Variants in ZFHX3 observed in about 807,000 individuals in gnomAD.
The protein encoded by ZFHX3 is zinc finger homeobox protein 3.
Under a neutral mutation model 279.1 loss-of-function variants are expected in ZFHX3, and 42 were observed. The ratio of observed to expected loss-of-function variants is 0.15; its 90% CI spans 0.12 to 0.19. ZFHX3 has a LOEUF of 0.19. Among genes scored for constraint, ZFHX3 ranks in the 10% least tolerant of loss-of-function variants. The pLI, the probability that ZFHX3 is intolerant of heterozygous loss-of-function variation, is 1.00. For synonymous variants in ZFHX3, 2,293 were observed against 1,957.8 expected, an observed-to-expected ratio of 1.17 and a Z score of -4.52; for missense variants, 4,981 against 4,754.0, an observed-to-expected ratio of 1.05 and a Z score of -1.40.
chr16:73,730,463 A>G (rs2142248555), intron 1 of ZFHX3, among the ~76,000 whole-genome samples: 1 of 152,074 alleles, frequency 6.6e-6, no homozygotes. Flanking sequence ...TGTGTCATAT[A>G]CAAATCCAGT....
At chr16:73,236,787 A>G (rs937903929) in intron 5 of ZFHX3, among the ~76,000 whole-genome samples, 2 of 152,166 alleles carry the variant, frequency 1.3e-5, no homozygotes, top group Non-Finnish European at 2.9e-5. Context: ...TGTTCTTCTT[A>G]CCCATCCACA....
At chr16:73,772,777 T>G (rs1170120307) in intron 1 of ZFHX3, among the ~76,000 whole-genome samples, 3 of 152,200 alleles carry the variant, frequency 2.0e-5, no homozygotes, top group African/African-American at 7.2e-5. Context: ...GGTGTGTGTT[T>G]CTGAGCTATC....
At chr16:73,865,279 A>T (rs1309064899) in intron 1 of ZFHX3, among the ~76,000 whole-genome samples, 1 of 152,186 alleles carries the variant, frequency 6.6e-6, no homozygotes, top group Non-Finnish European at 1.5e-5. Context: ...TTGGGATCTG[A>T]AAATAAGTTA....
rs113263930 is a variant in ZFHX3, at chr16:73,746,603, C to T, written c.-1607-66363G>A. ...GACGAGTGGGAGTTCAGAGATGAGACGATTTCCTGTATGGAGGACCAATTT... is the reference window on the plus strand; with the variant it reads ...GACGAGTGGGAGTTCAGAGATGAGATGATTTCCTGTATGGAGGACCAATTT... On this transcript the variant is annotated intron_variant, in intron 1 of 17. Coordinates refer to the ZFHX3 transcript ENST00000641206. Among the ~76,000 whole-genome samples, 5 of 152,240 alleles carry T rather than the reference C, an allele frequency of 3.3e-5. No individual in the cohort carries two copies. In the East Asian group the frequency reaches 5.8e-4, roughly 18 times the overall value.
intron 2 of ZFHX3, chr16:73,679,356 T>C (rs963988914): frequency 6.6e-6 from 1 of 152,188 alleles, no homozygotes; most frequent in Non-Finnish European, 1.5e-5. Flanking sequence ...TTCAGGCCAG[T>C]GAGAAAGATG....
intron 3 of ZFHX3, among the ~76,000 whole-genome samples, chr16:73,437,502 T>G (rs986289215): frequency 6.6e-6 from 1 of 152,070 alleles, no homozygotes; most frequent in Non-Finnish European, 1.5e-5. Flanking sequence ...TTTTAAATAT[T>G]TTCAATGAAA....
chr16:73,058,275 G>A (rs1463422686), intron 1 of ZFHX3, among the ~76,000 whole-genome samples: 2 of 143,910 alleles, frequency 1.4e-5, no homozygotes, highest in Admixed American at 6.8e-5. Flanking sequence ...GGGAGGAGGA[G>A]GAAGAAGAAG....
chr16:73,248,971 G>C (rs573980384), intron 5 of ZFHX3, among the ~76,000 whole-genome samples: 34 of 152,254 alleles, frequency 2.2e-4, no homozygotes, highest in African/African-American at 7.7e-4. Context: ...CATTAGATTG[G>C]GAATTAGATA....
intron 3 of ZFHX3, among the ~76,000 whole-genome samples, chr16:73,405,393 T>C (rs962545708): frequency 1.3e-5 from 2 of 152,134 alleles, no homozygotes; most frequent in African/African-American, 4.8e-5. Context: ...AAGGCCAGGG[T>C]GCTCTCCAAA....
At chr16:73,293,513 T>C (rs1238803302) in intron 4 of ZFHX3, among the ~76,000 whole-genome samples, 1 of 152,194 alleles carries the variant, frequency 6.6e-6, no homozygotes, top group Non-Finnish European at 1.5e-5. Context: ...TCTTCTATTC[T>C]CCTCTATTTT....
At chr16:73,436,557 C>T (rs1448187831) in intron 3 of ZFHX3, among the ~76,000 whole-genome samples, 1 of 152,182 alleles carries the variant, frequency 6.6e-6, no homozygotes, top group Non-Finnish European at 1.5e-5. Flanking sequence ...GTCCCTTCCA[C>T]AACACGTGGG....
intron 3 of ZFHX3, among the ~76,000 whole-genome samples, chr16:73,337,237 A>G (rs573162016): frequency 4.5e-4 from 69 of 152,118 alleles, no homozygotes; most frequent in African/African-American, 1.6e-3. Context: ...CTAACCTCCC[A>G]AATCCTTATC....
intron 2 of ZFHX3, among the ~76,000 whole-genome samples, chr16:73,502,038 T>A (rs1019943541): frequency 7.2e-5 from 11 of 152,080 alleles, no homozygotes; most frequent in Non-Finnish European, 1.2e-4. Flanking sequence ...TTTTTTCTGT[T>A]TCTCTCCACC....
At chr16:73,837,442 G>A (rs1294890465) in intron 1 of ZFHX3, among the ~76,000 whole-genome samples, 4 of 152,174 alleles carry the variant, frequency 2.6e-5, no homozygotes, top group African/African-American at 9.6e-5. Context: ...GAGACAAAAA[G>A]TGTTGTGGTA....
chr16:72,899,525 T>C (rs191759961), intron 3 of ZFHX3, among the ~76,000 whole-genome samples: 93 of 152,310 alleles, frequency 6.1e-4, no homozygotes, highest in African/African-American at 2.1e-3. Context: ...TCTTTATTAA[T>C]AGCGTGAGAA....
chr16:73,793,160 C>T (rs1959885566), intron 1 of ZFHX3, among the ~76,000 whole-genome samples: 1 of 152,106 alleles, frequency 6.6e-6, no homozygotes, highest in African/African-American at 2.4e-5. Flanking sequence ...TCCTTCTGTC[C>T]CTCTGTACAA....
chr16:73,781,675 C>G (rs1005769887), intron 1 of ZFHX3, among the ~76,000 whole-genome samples: 1 of 152,148 alleles, frequency 6.6e-6, no homozygotes, highest in Non-Finnish European at 1.5e-5. Flanking sequence ...AAGAAACCAT[C>G]TTTAACTTGA....
At chr16:73,793,027 A>G (rs954335712) in intron 1 of ZFHX3, among the ~76,000 whole-genome samples, 7 of 152,130 alleles carry the variant, frequency 4.6e-5, no homozygotes, top group Non-Finnish European at 2.9e-5. Context: ...TGTTTGGGAG[A>G]CGGGGAGAGA....
chr16:73,522,721 G>T (rs188390204), intron 2 of ZFHX3, among the ~76,000 whole-genome samples: 1 of 152,250 alleles, frequency 6.6e-6, no homozygotes, highest in East Asian at 1.9e-4. Flanking sequence ...AGGTGTATTA[G>T]TCTGTTCTCA....
Sources: allele counts gnomAD v4.1 joint callset (sites outside exome capture counted in the v4.1 genomes callset), GRCh38; gene constraint gnomAD v4.1.1; transcripts MANE v1.5; gene names NCBI Gene and HGNC (gene_info 2026-07-23, HGNC 2026-07-21).